Variants in CNBD1 observed in about 807,000 individuals in gnomAD.
CNBD1 encodes cyclic nucleotide binding domain containing 1.
CNBD1 carries 71 observed loss-of-function variants against 54.4 expected under a neutral mutation model. The ratio of observed to expected loss-of-function variants is 1.30; its 90% CI spans 1.08 to 1.59. The LOEUF (loss-of-function observed/expected upper bound fraction) is 1.59. Ranked by LOEUF, CNBD1 falls within the 40% of genes most tolerant of loss-of-function variation. The probability of loss-of-function intolerance (pLI) is 0.00; values close to 1 mark genes in which losing one functional copy is unlikely to be tolerated. For synonymous variants in CNBD1, 182 were observed against 170.7 expected (o/e 1.07, Z -0.51); for missense variants, 659 against 518.0 (o/e 1.27, Z -2.64).
chr8:87,335,315 C>G (rs1338683808), intron 8 of CNBD1, among the ~76,000 whole-genome samples: 1 of 152,096 alleles, frequency 6.6e-6, no homozygotes, highest in South Asian at 2.1e-4. Flanking sequence ...GTTAAAGTCT[C>G]CTACTATTAC....
chr8:87,412,269 T>C (rs1807759305), intron 2 of CNBD1, among the ~76,000 whole-genome samples: 1 of 152,142 alleles, frequency 6.6e-6, no homozygotes, highest in African/African-American at 2.4e-5. Flanking sequence ...TGTTTTGGTA[T>C]GTGTTTTCCT....
chr8:87,030,194 G>A (rs938258584), intron 4 of CNBD1, among the ~76,000 whole-genome samples: 5 of 151,998 alleles, frequency 3.3e-5, no homozygotes, highest in African/African-American at 1.2e-4. Context: ...AGATTTAATA[G>A]GAGTCACCAT....
At chr8:87,043,949 T>C (rs1810127823) in intron 4 of CNBD1, among the ~76,000 whole-genome samples, 1 of 152,236 alleles carries the variant, frequency 6.6e-6, no homozygotes, top group African/African-American at 2.4e-5. Flanking sequence ...TGTGATATTT[T>C]ACTTCTACCT....
intron 5 of CNBD1, among the ~76,000 whole-genome samples, chr8:87,228,784 A>G (rs952610100): frequency 5.4e-4 from 82 of 152,020 alleles, no homozygotes; most frequent in Non-Finnish European, 8.8e-4. Context: ...TCGAGCTTCC[A>G]GGCTGTGTTG....
At chr8:87,026,593 C>G (rs923537207) in intron 4 of CNBD1, among the ~76,000 whole-genome samples, 17 of 152,010 alleles carry the variant, frequency 1.1e-4, no homozygotes, top group Non-Finnish European at 1.9e-4. Context: ...AATAACTAGT[C>G]ATTTTATATT....
At chr8:87,331,764 A>G (rs1410235247) in intron 8 of CNBD1, among the ~76,000 whole-genome samples, 2 of 152,194 alleles carry the variant, frequency 1.3e-5, no homozygotes, top group Non-Finnish European at 2.9e-5. Context: ...TCTGACTGGC[A>G]TGAAGTGGTA....
chr8:86,904,014 A>G (rs1186459996), intron 2 of CNBD1, among the ~76,000 whole-genome samples: 2 of 152,024 alleles, frequency 1.3e-5, no homozygotes, highest in African/African-American at 2.4e-5. Context: ...GTTTGAATCA[A>G]TTATGTTACA....
At chr8:86,998,898 A>G (rs527237937) in intron 4 of CNBD1, among the ~76,000 whole-genome samples, 3 of 152,254 alleles carry the variant, frequency 2.0e-5, no homozygotes, top group East Asian at 1.9e-4. Flanking sequence ...GCATCCCACA[A>G]TCCACCTCTG....
intron 4 of CNBD1, among the ~76,000 whole-genome samples, chr8:87,202,421 G>T (rs1240536256): frequency 3.3e-5 from 5 of 152,166 alleles, no homozygotes; most frequent in Non-Finnish European, 5.9e-5. Flanking sequence ...TGGAGAGAGA[G>T]AACGTGGAGC....
intron 4 of CNBD1, among the ~76,000 whole-genome samples, chr8:87,081,750 C>T (rs1810998486): frequency 6.6e-6 from 1 of 152,006 alleles, no homozygotes; most frequent in East Asian, 1.9e-4. Flanking sequence ...TCGTGATCTG[C>T]CTGCCTCGGC....
At chr8:86,945,000 T>C (rs1450264385) in intron 4 of CNBD1, among the ~76,000 whole-genome samples, 1 of 152,204 alleles carries the variant, frequency 6.6e-6, no homozygotes, top group African/African-American at 2.4e-5. Context: ...GTTTGACCAC[T>C]AACATGATGG....
intron 8 of CNBD1, among the ~76,000 whole-genome samples, chr8:87,348,565 C>T (rs967496894): frequency 1.3e-5 from 2 of 152,152 alleles, no homozygotes; most frequent in Non-Finnish European, 1.5e-5. Flanking sequence ...ATCCATTCAG[C>T]TAATGGATGT....
At chr8:86,871,235 G>A (rs1257764373) in intron 1 of CNBD1, among the ~76,000 whole-genome samples, 1 of 152,170 alleles carries the variant, frequency 6.6e-6, no homozygotes, top group Non-Finnish European at 1.5e-5. Flanking sequence ...ATCTCCACTA[G>A]ATGTCAGGCT....
chr8:86,977,711 A>G (rs189107909), intron 4 of CNBD1, among the ~76,000 whole-genome samples: 3 of 152,288 alleles, frequency 2.0e-5, no homozygotes, highest in African/African-American at 7.2e-5. Context: ...AACTGAACAG[A>G]CCAATAATGA....
At chr8:87,165,229 T>C (rs1399234648) in intron 4 of CNBD1, among the ~76,000 whole-genome samples, 1 of 151,964 alleles carries the variant, frequency 6.6e-6, no homozygotes, top group African/African-American at 2.4e-5. Context: ...AAACATGTAT[T>C]CTGCTGCTAT....
At chr8:87,255,998 TATATATATATATATA>T (rs1259569331) in intron 6 of CNBD1, among the ~76,000 whole-genome samples, 10 of 15,790 alleles carry the variant, frequency 6.3e-4, no homozygotes, top group African/African-American at 3.0e-3. Context: ...TATATATATA[TATATATATATATATA>T]TATTTTTTTT....
At chr8:87,352,587 T>C (rs374590216) in intron 9 of CNBD1, among the ~76,000 whole-genome samples, 11 of 152,092 alleles carry the variant, frequency 7.2e-5, no homozygotes, top group African/African-American at 2.7e-4. Context: ...ATATTTATAC[T>C]ATGAAATGCC....
At chr8:87,265,969 T>C (rs1229868651) in intron 6 of CNBD1, among the ~76,000 whole-genome samples, 2 of 152,072 alleles carry the variant, frequency 1.3e-5, no homozygotes, top group Non-Finnish European at 2.9e-5. Context: ...TATCATTAAT[T>C]AAAAGATTCT....
intron 4 of CNBD1, among the ~76,000 whole-genome samples, chr8:86,965,997 C>T (rs1048492869): frequency 2.6e-5 from 4 of 152,142 alleles, no homozygotes; most frequent in African/African-American, 9.7e-5. Flanking sequence ...CCTTCTTCAT[C>T]CTCTGGTTGT....
Sources: allele counts gnomAD v4.1 joint callset (sites outside exome capture counted in the v4.1 genomes callset), GRCh38; gene constraint gnomAD v4.1.1; transcripts MANE v1.5; gene names NCBI Gene and HGNC (gene_info 2026-07-23, HGNC 2026-07-21).